The following DTNB variants were observed in gnomAD, a reference collection of about 807,000 sequenced individuals.
DTNB encodes the protein DTN-B.
DTNB carries 63 observed loss-of-function variants against 90.7 expected under a neutral mutation model. That is an observed-to-expected ratio of 0.69 (90% CI 0.57 to 0.86). DTNB has a LOEUF of 0.86. Ranked by LOEUF, DTNB falls within the 40% of genes least tolerant of loss-of-function variation. The probability of loss-of-function intolerance (pLI) is 0.00; values close to 1 mark genes in which losing one functional copy is unlikely to be tolerated. For synonymous variants in DTNB, 277 were observed against 286.7 expected, an observed-to-expected ratio of 0.97 and a Z score of 0.34; for missense variants, 744 against 807.1, an observed-to-expected ratio of 0.92 and a Z score of 0.95.
intron 8 of DTNB, among the ~76,000 whole-genome samples, chr2:25,574,901 GT>G (rs1488516390): frequency 6.6e-6 from 1 of 152,074 alleles, no homozygotes; most frequent in Non-Finnish European, 1.5e-5. Context: ...TGCTGTGAGG[GT>G]CAAACAGAAA....
At chr2:25,384,459 C>G (rs2038887403) in intron 18 of DTNB, among the ~76,000 whole-genome samples, 1 of 152,208 alleles carries the variant, frequency 6.6e-6, no homozygotes, top group African/African-American at 2.4e-5. Flanking sequence ...GACAAGATCC[C>G]CTGTGATGGA....
intron 4 of DTNB, among the ~76,000 whole-genome samples, chr2:25,612,969 C>T (rs1309799680): frequency 1.3e-5 from 2 of 152,088 alleles, no homozygotes; most frequent in Non-Finnish European, 2.9e-5. Flanking sequence ...GAAGGCTGTA[C>T]TGGAGATCTC....
At chr2:25,632,192 C>CAAAAAAAAAA (rs71399307) in intron 3 of DTNB, among the ~76,000 whole-genome samples, 2 of 76,882 alleles carry the variant, frequency 2.6e-5, no homozygotes, top group Admixed American at 1.6e-4. Context: ...GACTCTGTCT[C>CAAAAAAAAAA]AAAAAAAAAA....
intron 10 of DTNB, among the ~76,000 whole-genome samples, chr2:25,478,299 G>A (rs935306958): frequency 6.6e-6 from 1 of 152,148 alleles, no homozygotes; most frequent in Non-Finnish European, 1.5e-5. Flanking sequence ...CCTGGACCTC[G>A]TCCCTTTCAC....
In DTNB at chr2:25,448,816, A is replaced by C. The variant is rs2058811500; in HGVS notation, c.1257+2732T>G. Among the ~76,000 whole-genome samples, 7 of 149,552 alleles carry C rather than the reference A, an allele frequency of 4.7e-5. No homozygotes were observed. In the Admixed American group the frequency reaches 4.8e-4, roughly 10 times the overall value. ...TTGCAGTGAGCTGAGATCGTGCCAC[A>C]TTGCACTCCAACCTGGGCGACAGAG... is the stretch of plus-strand genomic sequence containing the variant. On this transcript the variant is annotated intron_variant, in intron 12 of 20. Transcript: ENST00000406818.
In DTNB at chr2:25,661,287, C is replaced by G. The variant is rs148539743; in HGVS notation, c.-1-8626G>C. On this transcript the variant is annotated intron_variant, in intron 1 of 20. Transcript: ENST00000406818. The stretch of plus-strand genomic sequence containing the variant: ...GTCACTAACTGGGAAAAGAGATCGG[C>G]AATGCTTATAACCAACAACTGGTAT... Among the ~76,000 whole-genome samples the G allele has an allele frequency of 1.1e-4, 16 of 152,292 alleles. No homozygotes were observed. In the East Asian group the frequency reaches 3.1e-3, roughly 29 times the overall value.
At position 25,658,285 on chromosome 2, in the gene DTNB, T is replaced by C. The variant is rs149483561; in HGVS notation, c.-1-5624A>G. On this transcript the variant is annotated intron_variant, in intron 1 of 20. Coordinates refer to ENST00000406818, the MANE Select transcript of DTNB (RefSeq NM_021907.5). ...AAAAAAAAAAAAGAAAAAAAAATGC[T>C]AACAAGGATGCAGAGGCAGCAGGAA... 3.0e-4 allele frequency among the ~76,000 whole-genome samples: 46 copies of C among 151,060 alleles called. 1 individual carries two copies. The highest frequency in any genetic ancestry group is 1.0e-3 in the African/African-American group (43 of 41,180).
intron 16 of DTNB, among the ~76,000 whole-genome samples, chr2:25,416,540 C>T (rs187245032): frequency 2.1e-3 from 318 of 152,196 alleles, no homozygotes; most frequent in Middle Eastern, 3.4e-3. Context: ...AGTGTGGGCG[C>T]CTGTAATACT....
chr2:25,600,418 T>A (rs2148451343), intron 5 of DTNB, among the ~76,000 whole-genome samples: 1 of 152,272 alleles, frequency 6.6e-6, no homozygotes, highest in East Asian at 1.9e-4. Flanking sequence ...CATCTTTTGA[T>A]CCTAAGGACG....
intron 12 of DTNB, among the ~76,000 whole-genome samples, chr2:25,447,862 C>T (rs1303465239): frequency 1.3e-5 from 2 of 152,082 alleles, no homozygotes; most frequent in Non-Finnish European, 2.9e-5. Context: ...CAAGGGCCTA[C>T]CTTAATGTGA....
At chr2:25,545,658 G>C (rs2082259045) in intron 8 of DTNB, among the ~76,000 whole-genome samples, 2 of 152,220 alleles carry the variant, frequency 1.3e-5, no homozygotes, top group African/African-American at 2.4e-5. Context: ...TTGAGACAGA[G>C]TCACCCAGGC....
intron 9 of DTNB, among the ~76,000 whole-genome samples, chr2:25,495,029 G>C (rs2068491714): frequency 6.6e-6 from 1 of 151,912 alleles, no homozygotes; most frequent in Admixed American, 6.6e-5. Context: ...AGGCACTTCA[G>C]CATCTCTGCT....
chr2:25,634,494 C>G (rs796779552), intron 3 of DTNB, among the ~76,000 whole-genome samples: 2 of 115,340 alleles, frequency 1.7e-5, no homozygotes. Context: ...CGCCTCTGCC[C>G]GGCTGCCCCT....
intron 20 of DTNB, among the ~76,000 whole-genome samples, chr2:25,378,366 C>A (rs1027957716): frequency 6.6e-6 from 1 of 152,192 alleles, no homozygotes; most frequent in African/African-American, 2.4e-5. Context: ...CTCGCACAAT[C>A]CAGAGTCAGC....
intron 3 of DTNB, among the ~76,000 whole-genome samples, chr2:25,630,030 A>C (rs941476420): frequency 6.6e-6 from 1 of 152,232 alleles, no homozygotes; most frequent in African/African-American, 2.4e-5. Flanking sequence ...AACTCTTACA[A>C]TTCAACAATT....
intron 7 of DTNB, among the ~76,000 whole-genome samples, chr2:25,578,186 TA>T (rs2061003623): frequency 6.6e-6 from 1 of 152,126 alleles, no homozygotes; most frequent in Non-Finnish European, 1.5e-5. Flanking sequence ...TATGAGGTGA[TA>T]AAAACAATAT....
At chr2:25,537,161 G>C (rs1219241174) in intron 8 of DTNB, among the ~76,000 whole-genome samples, 1 of 151,854 alleles carries the variant, frequency 6.6e-6, no homozygotes, top group Non-Finnish European at 1.5e-5. Context: ...GAATTTTCCA[G>C]ATTGCTTTTA....
chr2:25,628,175 C>A lies in DTNB; in HGVS notation c.358G>T (p.Asp120Tyr). ...LLLNFMIAAY[D>Y]SEGRGKLTVF... ...GTAAGGTAAGGTACTACTAGCCTGT[C>A]ATATGCAGCAATCATAAAGTTGAGG... The change falls in exon 4 of 21, where the codon GAC (aspartate) becomes TAC (tyrosine). Residue 120 changes from aspartate to tyrosine, a missense_variant. Coordinates refer to ENST00000406818, the MANE Select transcript of DTNB (RefSeq NM_021907.5). The A allele has an allele frequency of 1.2e-6, 2 of 1,613,776 alleles. No homozygotes were observed. The highest frequency in any genetic ancestry group is 2.2e-5 in the South Asian group (2 of 91,002).
chr2:25,578,369 G>A (rs2061034450), intron 7 of DTNB, among the ~76,000 whole-genome samples: 1 of 152,152 alleles, frequency 6.6e-6, no homozygotes, highest in South Asian at 2.1e-4. Context: ...ATACAACCTA[G>A]TATAGTTCCT....
Sources: allele counts gnomAD v4.1 joint callset (sites outside exome capture counted in the v4.1 genomes callset), GRCh38; gene constraint gnomAD v4.1.1; transcripts MANE v1.5; gene names NCBI Gene and HGNC (gene_info 2026-07-23, HGNC 2026-07-21).